PPARGC1A: variants seen among roughly 807,000 people sequenced by gnomAD.
PPARGC1A encodes the protein peroxisome proliferator-activated receptor gamma coactivator 1-alpha.
PPARGC1A carries 25 observed loss-of-function variants against 88.7 expected under a neutral mutation model. The observed-to-expected ratio is 0.28, with a 90% confidence interval of 0.21 to 0.39. The LOEUF (loss-of-function observed/expected upper bound fraction) is 0.39, where lower values mean the gene tolerates loss of function less well. Ranked by LOEUF, PPARGC1A falls within the 10% of genes least tolerant of loss-of-function variation. The pLI, the probability that PPARGC1A is intolerant of heterozygous loss-of-function variation, is 1.00. For missense variants in PPARGC1A, 880 were observed against 968.7 expected, an observed-to-expected ratio of 0.91 and a Z score of 1.22; for synonymous variants, 363 against 355.6, an observed-to-expected ratio of 1.02 and a Z score of -0.24.
chr4:24,299,639 T>C, the PPARGC1A span, among the ~76,000 whole-genome samples: 1 of 152,088 alleles, frequency 6.6e-6, no homozygotes, highest in African/African-American at 2.4e-5. Flanking sequence ...AATGATCATA[T>C]GGGCATGGAT....
At chr4:23,997,028 T>G in the PPARGC1A span, among the ~76,000 whole-genome samples, 4 of 152,220 alleles carry the variant, frequency 2.6e-5, no homozygotes, top group African/African-American at 4.8e-5. Flanking sequence ...CAATTAGTGA[T>G]GTCTGCTCTG....
chr4:23,975,345 CT>C, the PPARGC1A span, among the ~76,000 whole-genome samples: 1 of 151,946 alleles, frequency 6.6e-6, no homozygotes, highest in Admixed American at 6.6e-5. Flanking sequence ...TTGGGACCTT[CT>C]TTTTGATTAA....
the PPARGC1A span, among the ~76,000 whole-genome samples, chr4:24,281,617 C>T: frequency 3.9e-4 from 60 of 152,248 alleles, no homozygotes; most frequent in South Asian, 1.5e-3. Context: ...TTGAAGGGGA[C>T]GAAAACCGAA....
the PPARGC1A span, among the ~76,000 whole-genome samples, chr4:24,450,187 G>A: frequency 0.12 from 18,680 of 152,154 alleles, 1,927 homozygotes; most frequent in African/African-American, 0.28. Context: ...ATGGTCTCTC[G>A]TAAACATGGT....
At chr4:24,452,917 C>T in the PPARGC1A span, among the ~76,000 whole-genome samples, 1 of 152,102 alleles carries the variant, frequency 6.6e-6, no homozygotes, top group African/African-American at 2.4e-5. Flanking sequence ...GAACTGTGTT[C>T]CTCCTACCCC....
chr4:24,051,562 C>A, the PPARGC1A span, among the ~76,000 whole-genome samples: 1 of 152,134 alleles, frequency 6.6e-6, no homozygotes, highest in African/African-American at 2.4e-5. Flanking sequence ...AGGCACTAGC[C>A]TCAAATCACA....
At chr4:23,823,405 A>G (rs1467370552) in intron 7 of PPARGC1A, among the ~76,000 whole-genome samples, 21 of 152,018 alleles carry the variant, frequency 1.4e-4, no homozygotes, top group African/African-American at 5.1e-4. Flanking sequence ...TCCATCTTCT[A>G]CCAAAACTGT....
the PPARGC1A span, among the ~76,000 whole-genome samples, chr4:24,037,910 A>G: frequency 1.3e-5 from 2 of 152,330 alleles, no homozygotes; most frequent in East Asian, 3.9e-4. Context: ...TTGGTGCCTG[A>G]TAAAAAGTAG....
chr4:24,176,542 G>C, the PPARGC1A span, among the ~76,000 whole-genome samples: 1 of 152,120 alleles, frequency 6.6e-6, no homozygotes, highest in Non-Finnish European at 1.5e-5. Flanking sequence ...TAAGGAACTA[G>C]AAAACAGCCA....
the PPARGC1A span, among the ~76,000 whole-genome samples, chr4:23,952,387 C>T: frequency 6.6e-6 from 1 of 152,072 alleles, no homozygotes; most frequent in Non-Finnish European, 1.5e-5. Flanking sequence ...ATGTGAAGCA[C>T]CGCCAGAAAA....
At chr4:24,086,407 T>C in the PPARGC1A span, among the ~76,000 whole-genome samples, 1 of 152,204 alleles carries the variant, frequency 6.6e-6, no homozygotes, top group East Asian at 1.9e-4. Context: ...TCAACACTGC[T>C]CTCTTTCCTA....
the PPARGC1A span, among the ~76,000 whole-genome samples, chr4:24,421,574 G>T: frequency 3.3e-5 from 5 of 152,262 alleles, no homozygotes; most frequent in East Asian, 1.9e-4. Context: ...GCCTCCCAAA[G>T]TGCTGGGATT....
the PPARGC1A span, among the ~76,000 whole-genome samples, chr4:24,117,913 C>A: frequency 2.8e-3 from 419 of 151,760 alleles, 5 homozygotes; most frequent in East Asian, 0.052. Context: ...CAAGCTGGGC[C>A]TCATTTCTAA....
the PPARGC1A span, among the ~76,000 whole-genome samples, chr4:24,444,446 T>G: frequency 6.6e-6 from 1 of 151,554 alleles, no homozygotes; most frequent in African/African-American, 2.4e-5. Flanking sequence ...AAAAAAAATT[T>G]AAAAATTTAA....
chr4:24,296,401 T>C, the PPARGC1A span, among the ~76,000 whole-genome samples: 1 of 152,232 alleles, frequency 6.6e-6, no homozygotes, highest in Admixed American at 6.5e-5. Flanking sequence ...ATAAAATGGG[T>C]GTCTCCTATT....
chr4:23,987,659 AC>A, the PPARGC1A span, among the ~76,000 whole-genome samples: 1 of 151,942 alleles, frequency 6.6e-6, no homozygotes. Context: ...GTATTCTAGC[AC>A]ATACACTTCT....
the PPARGC1A span, among the ~76,000 whole-genome samples, chr4:24,118,033 T>C: frequency 0.043 from 6,586 of 152,184 alleles, 403 homozygotes; most frequent in African/African-American, 0.13. Context: ...CTTCTCTCGC[T>C]GTAACTCAAA....
chr4:24,271,863 C>T, the PPARGC1A span, among the ~76,000 whole-genome samples: 18 of 152,220 alleles, frequency 1.2e-4, no homozygotes, highest in African/African-American at 4.3e-4. Context: ...GTCCTCAATA[C>T]ATCTATGTAT....
chr4:24,316,065 G>C, the PPARGC1A span, among the ~76,000 whole-genome samples: 2 of 152,140 alleles, frequency 1.3e-5, no homozygotes, highest in East Asian at 1.9e-4. Context: ...ACCTTTGTGG[G>C]GTGACGGTTC....
Sources: gnomAD v4.1 joint callset for allele counts (sites outside exome capture counted in the v4.1 genomes callset) on GRCh38, gnomAD v4.1.1 for gene constraint, MANE v1.5 for transcripts, NCBI Gene and HGNC (gene_info 2026-07-23, HGNC 2026-07-21) for gene names.